Variants in DPYD observed in about 807,000 individuals in gnomAD.
DPYD encodes dihydropyrimidine dehydrogenase [NADP(+)].
DPYD carries 109 observed loss-of-function variants against 116.2 expected under a neutral mutation model. That is an observed-to-expected ratio of 0.94 (90% CI 0.80 to 1.10). The LOEUF is 1.10. Among genes scored for constraint, DPYD ranks in the 50% least tolerant of loss-of-function variants. The probability of loss-of-function intolerance (pLI) is 0.00; values close to 1 mark genes in which losing one functional copy is unlikely to be tolerated. For synonymous variants in DPYD, 440 were observed against 432.0 expected (o/e 1.02, Z -0.23); for missense variants, 1,302 against 1,254.5 (o/e 1.04, Z -0.57).
chr1:97,406,632 A>G (rs1673675644), intron 14 of DPYD, among the ~76,000 whole-genome samples: 1 of 146,276 alleles, frequency 6.8e-6, no homozygotes, highest in African/African-American at 2.5e-5. Context: ...ACGCTTTTAC[A>G]CTGTTGGTGG....
At chr1:97,121,591 A>G (rs942324114) in intron 20 of DPYD, among the ~76,000 whole-genome samples, 6 of 152,084 alleles carry the variant, frequency 3.9e-5, no homozygotes, top group Admixed American at 3.3e-4. Flanking sequence ...GCTGCATTAT[A>G]TAGGTTGATG....
At chr1:97,544,430 A>G (rs1481560591) in intron 12 of DPYD, among the ~76,000 whole-genome samples, 1 of 152,120 alleles carries the variant, frequency 6.6e-6, no homozygotes, top group African/African-American at 2.4e-5. Context: ...CCAAATCCAA[A>G]ATTCTTACAT....
intron 2 of DPYD, among the ~76,000 whole-genome samples, chr1:97,878,644 A>G (rs957385085): frequency 2.0e-5 from 3 of 151,938 alleles, no homozygotes; most frequent in Non-Finnish European, 2.9e-5. Flanking sequence ...CTGTCTTCCA[A>G]CTTTCTAAAC....
chr1:97,883,451 T>C, intron 1 of DPYD, 77 bp from the exon 2 acceptor site: 1 of 1,121,780 alleles, frequency 8.9e-7, no homozygotes, highest in East Asian at 2.6e-5. Context: ...ATTTTATTTT[T>C]ATTTATTTTG....
chr1:97,271,141 C>T (rs907101102), intron 18 of DPYD, among the ~76,000 whole-genome samples: 10 of 152,156 alleles, frequency 6.6e-5, no homozygotes, highest in Non-Finnish European at 1.2e-4. Flanking sequence ...AGATAAGGCA[C>T]GGAGTGTGGG....
intron 14 of DPYD, among the ~76,000 whole-genome samples, chr1:97,443,421 G>C (rs1296519220): frequency 2.0e-5 from 3 of 152,054 alleles, no homozygotes; most frequent in African/African-American, 7.2e-5. Flanking sequence ...AAAACTGAAC[G>C]GTTTCCTGGG....
At chr1:97,798,772 T>C (rs999388526) in intron 3 of DPYD, among the ~76,000 whole-genome samples, 1 of 152,042 alleles carries the variant, frequency 6.6e-6, no homozygotes. Context: ...GCATCTAAAG[T>C]ATTTTTAAAT....
chr1:97,158,472 GACACAC>G (rs58771302), intron 20 of DPYD, among the ~76,000 whole-genome samples: 4,443 of 112,046 alleles, frequency 0.04, 96 homozygotes, highest in East Asian at 0.14. Context: ...TAACTCACCA[GACACAC>G]ACACACACAC....
intron 2 of DPYD, among the ~76,000 whole-genome samples, chr1:97,840,615 CTTAT>C (rs1571449132): frequency 6.6e-6 from 1 of 151,808 alleles, no homozygotes; most frequent in Non-Finnish European, 1.5e-5. Flanking sequence ...AGTTTTTTGT[CTTAT>C]TTCTTTTTAA....
Position 97,120,629 on chromosome 1 carries a change from T to A in DPYD, c.2623-21997A>T, listed in dbSNP as rs180783548. Among the ~76,000 whole-genome samples, 511 of 152,276 alleles carry A rather than the reference T, an allele frequency of 3.4e-3. 2 individuals are homozygous for A. Among genetic ancestry groups the A allele is most frequent in the Admixed American group, 6.0e-3 (92 of 15,288 alleles). Reference sequence around the variant, plus strand: ...GACTTTACCTTGTCAAAACAGCCAATTTGTGTCAATAGGAAAATGTGAAAA... The same window carrying A: ...GACTTTACCTTGTCAAAACAGCCAAATTGTGTCAATAGGAAAATGTGAAAA... On this transcript the variant is annotated intron_variant, in intron 20 of 22. Transcript: ENST00000370192.
chr1:97,156,618 C>T (rs1334437774), intron 20 of DPYD, among the ~76,000 whole-genome samples: 1 of 152,144 alleles, frequency 6.6e-6, no homozygotes, highest in African/African-American at 2.4e-5. Flanking sequence ...CAGTAAACAA[C>T]AGGTGCTGGA....
chr1:97,098,739 T>C (rs1407397680), intron 20 of DPYD, 107 bp from the exon 21 acceptor site: 4 of 1,307,530 alleles, frequency 3.1e-6, no homozygotes, highest in Non-Finnish European at 4.3e-6. Flanking sequence ...TGTCTAGGGA[T>C]TGTTTCATGT....
At chr1:97,791,363 T>C (rs1667311145) in intron 3 of DPYD, among the ~76,000 whole-genome samples, 1 of 152,128 alleles carries the variant, frequency 6.6e-6, no homozygotes, top group Non-Finnish European at 1.5e-5. Context: ...AAGGAAAACA[T>C]CTTCACAAAA....
At chr1:97,511,474 A>AT (rs1228922003) in intron 13 of DPYD, among the ~76,000 whole-genome samples, 2 of 151,990 alleles carry the variant, frequency 1.3e-5, no homozygotes, top group Non-Finnish European at 2.9e-5. Context: ...TATTTGTTAG[A>AT]TTTTTTTCTA....
intron 8 of DPYD, among the ~76,000 whole-genome samples, chr1:97,652,137 AC>A (rs765728581): frequency 5.3e-5 from 8 of 152,156 alleles, no homozygotes; most frequent in Admixed American, 5.2e-4. Context: ...TAGTCATATA[AC>A]CTAAAAAAAG....
chr1:97,094,757 A>G (rs1265890708), intron 21 of DPYD, among the ~76,000 whole-genome samples: 1 of 152,118 alleles, frequency 6.6e-6, no homozygotes, highest in Non-Finnish European at 1.5e-5. Flanking sequence ...ATTGTGTAGG[A>G]AACGTTTAGA....
intron 19 of DPYD, among the ~76,000 whole-genome samples, chr1:97,231,700 C>T (rs1245677294): frequency 1.3e-5 from 2 of 152,084 alleles, no homozygotes; most frequent in African/African-American, 4.8e-5. Flanking sequence ...TCACTTTTAT[C>T]CTCCAAGCCT....
chr1:97,306,032 G>T, intron 17 of DPYD, 145 bp downstream of exon 17: 2 of 1,260,532 alleles, frequency 1.6e-6, no homozygotes, highest in Non-Finnish European at 1.1e-6. Context: ...TCCTGTGTTT[G>T]TGGGATCAAG....
chr1:97,751,775 T>TTA (rs1025245770), intron 3 of DPYD, among the ~76,000 whole-genome samples: 95 of 149,342 alleles, frequency 6.4e-4, no homozygotes, highest in Non-Finnish European at 1.2e-3. Flanking sequence ...AAAAACGATT[T>TTA]TTTTTTTTTG....
Sources: allele counts gnomAD v4.1 joint callset (sites outside exome capture counted in the v4.1 genomes callset), GRCh38; gene constraint gnomAD v4.1.1; transcripts MANE v1.5; gene names NCBI Gene and HGNC (gene_info 2026-07-23, HGNC 2026-07-21).